The following VSIG1 variants were observed in gnomAD, a reference collection of about 807,000 sequenced individuals.
VSIG1 encodes V-set and immunoglobulin domain-containing protein 1.
In VSIG1, 11 loss-of-function variants were observed where a neutral mutation model predicts 20.1. That is an observed-to-expected ratio of 0.55 (90% CI 0.34 to 0.91). The LOEUF is 0.91. Ranked by LOEUF, VSIG1 falls within the 40% of genes least tolerant of loss-of-function variation. The pLI is 0.02. For missense variants in VSIG1, 283 were observed against 298.8 expected, an observed-to-expected ratio of 0.95 and a Z score of 0.39; for synonymous variants, 126 against 116.7, an observed-to-expected ratio of 1.08 and a Z score of -0.52.
the VSIG1 span, among the ~76,000 whole-genome samples, chrX:108,023,032 G>A: frequency 0.034 from 3,823 of 111,957 alleles, 146 homozygotes; most frequent in African/African-American, 0.12. Flanking sequence ...CTGCAGAACT[G>A]TAAGCCAAAT....
At chrX:108,059,725 T>C (rs934148002) in intron 2 of VSIG1, among the ~76,000 whole-genome samples, 2 of 112,304 alleles carry the variant, frequency 1.8e-5, no homozygotes, top group African/African-American at 3.2e-5. Context: ...AGATTGTAGA[T>C]GGCAATAATC....
At chrX:108,071,647 T>G (rs1763779036) in intron 3 of VSIG1, among the ~76,000 whole-genome samples, 1 of 110,468 alleles carries the variant, frequency 9.1e-6, no homozygotes, top group African/African-American at 3.3e-5. Context: ...CCTCTTCCCC[T>G]CTCTAAAGTC....
At chrX:108,049,455 G>C (rs1790163393) in intron 1 of VSIG1, among the ~76,000 whole-genome samples, 1 of 111,916 alleles carries the variant, frequency 8.9e-6, no homozygotes, top group South Asian at 3.7e-4. Context: ...GTGCTCAATT[G>C]ATATTTGTTG....
chrX:108,059,998 T>C (rs1327519538), intron 2 of VSIG1, among the ~76,000 whole-genome samples: 2 of 111,812 alleles, frequency 1.8e-5, no homozygotes, highest in Admixed American at 9.5e-5. Flanking sequence ...TTGAACTGTG[T>C]GTCTAGTGAG....
chrX:108,077,513 C>A lies in VSIG1; in HGVS notation c.*132C>A. The A allele has an allele frequency of 1.3e-6, 1 of 766,122 alleles. No homozygotes were observed. The highest frequency in any genetic ancestry group is 1.9e-6 in the Non-Finnish European group (1 of 531,945). 63.1% of individuals were successfully genotyped at this position (766,122 alleles called of 1,213,427 possible). On this transcript the variant is annotated 3_prime_UTR_variant, in exon 7 of 7. Transcript: ENST00000217957. ...TCTTCTAACAAGGTGCTCATTCCTACTATGAATCCAGAATAAACACGCCAA... is the reference window on the plus strand; with the variant it reads ...TCTTCTAACAAGGTGCTCATTCCTAATATGAATCCAGAATAAACACGCCAA...
intron 5 of VSIG1, among the ~76,000 whole-genome samples, chrX:108,074,368 G>A (rs2031312708): frequency 9.0e-6 from 1 of 111,456 alleles, no homozygotes; most frequent in Admixed American, 9.5e-5. Flanking sequence ...CAATCATACT[G>A]CAGATGTAGA....
At chrX:108,026,336 G>A in the VSIG1 span, among the ~76,000 whole-genome samples, 1 of 111,593 alleles carries the variant, frequency 9.0e-6, no homozygotes, top group Non-Finnish European at 1.9e-5. Context: ...GGCGAGAGCA[G>A]CCTGTTTAGC....
At chrX:108,036,227 C>A in the VSIG1 span, among the ~76,000 whole-genome samples, 1 of 106,574 alleles carries the variant, frequency 9.4e-6, no homozygotes, top group African/African-American at 3.4e-5. Context: ...TTGGATAGGA[C>A]CAGTCAAAAA....
intron 4 of VSIG1, 60 bp downstream of exon 4, chrX:108,072,892 G>A: frequency 8.9e-7 from 1 of 1,121,047 alleles, no homozygotes; most frequent in Non-Finnish European, 1.2e-6. Context: ...GATGACAGCA[G>A]GAGTGTGTGG....
At chrX:108,038,626 T>C in the VSIG1 span, among the ~76,000 whole-genome samples, 1 of 112,463 alleles carries the variant, frequency 8.9e-6, no homozygotes, top group Admixed American at 9.4e-5. Context: ...CCATCAGTGA[T>C]AGGCTGGATA....
chrX:108,046,557 T>G (rs1025428914), intron 1 of VSIG1, among the ~76,000 whole-genome samples: 2 of 110,322 alleles, frequency 1.8e-5, no homozygotes, highest in African/African-American at 6.6e-5. Flanking sequence ...AAGAACAGTT[T>G]TTTTTTTTTT....
In VSIG1 at chrX:108,074,116, C is replaced by G. The variant is rs2031306588; in HGVS notation, c.688+747C>G. Among the ~76,000 whole-genome samples, 3 of 112,045 alleles carry G rather than the reference C, an allele frequency of 2.7e-5. No homozygotes were observed. In the Admixed American group the frequency reaches 2.8e-4, roughly 11 times the overall value. ...ATCTCACCAAACATCTCAAGGATCA[C>G]TTAATAACACTTAGGATCTTTTTTC... On this transcript the variant is annotated intron_variant, in intron 5 of 6. Coordinates refer to ENST00000217957, the MANE Select transcript of VSIG1 (RefSeq NM_182607.5).
At chrX:108,045,300 A>G (rs1405266974) in intron 1 of VSIG1, 121 bp downstream of exon 1, 1 of 521,224 alleles carries the variant, frequency 1.9e-6, no homozygotes, top group Non-Finnish European at 2.9e-6. Context: ...TGTGATTAGT[A>G]TGATGAGTTA....
At chrX:108,061,054 G>A (rs777994576) in intron 2 of VSIG1, among the ~76,000 whole-genome samples, 44 of 112,382 alleles carry the variant, frequency 3.9e-4, no homozygotes, top group Non-Finnish European at 7.1e-4. Flanking sequence ...GCTAAAGGGA[G>A]GGCCCAGGCC....
At chrX:108,074,560 G>T (rs1160972170) in intron 5 of VSIG1, among the ~76,000 whole-genome samples, 1 of 111,888 alleles carries the variant, frequency 8.9e-6, no homozygotes, top group East Asian at 2.8e-4. Flanking sequence ...AGATAAAGAA[G>T]ATGTATGTCC....
intron 1 of VSIG1, among the ~76,000 whole-genome samples, chrX:108,047,853 TATAC>T (rs1471744825): frequency 5.9e-5 from 4 of 68,325 alleles, no homozygotes; most frequent in Admixed American, 1.7e-4. Flanking sequence ...TACATATATA[TATAC>T]ACATATATAT....
chrX:108,041,797 A>G (rs770909264), upstream of VSIG1, among the ~76,000 whole-genome samples: 60 of 107,022 alleles, frequency 5.6e-4, no homozygotes, highest in African/African-American at 2.0e-3. Flanking sequence ...GATATCACAT[A>G]TTTCTGAAAG....
chrX:108,040,335 T>C (rs754282418), upstream of VSIG1, among the ~76,000 whole-genome samples: 1 of 111,763 alleles, frequency 8.9e-6, no homozygotes, highest in African/African-American at 3.3e-5. Flanking sequence ...TCACCCATGA[T>C]ACTAGTAAAA....
chrX:108,071,813 A>G (rs1329958611), intron 3 of VSIG1, among the ~76,000 whole-genome samples: 1 of 106,636 alleles, frequency 9.4e-6, no homozygotes, highest in Non-Finnish European at 1.9e-5. Context: ...CACCCCCCAA[A>G]TGGACTTCCC....
Sources: gnomAD v4.1 joint callset for allele counts (sites outside exome capture counted in the v4.1 genomes callset) on GRCh38, gnomAD v4.1.1 for gene constraint, MANE v1.5 for transcripts, NCBI Gene and HGNC (gene_info 2026-07-23, HGNC 2026-07-21) for gene names.